Variants in CCSER1 observed in about 807,000 individuals in gnomAD.
The protein encoded by CCSER1 is coiled-coil serine rich protein 1, also known as serine-rich coiled-coil domain-containing protein 1.
CCSER1 carries 41 observed loss-of-function variants against 82.0 expected under a neutral mutation model. That is an observed-to-expected ratio of 0.50 (90% CI 0.39 to 0.65). The LOEUF (loss-of-function observed/expected upper bound fraction) is 0.65. Ranked by LOEUF, CCSER1 falls within the 30% of genes least tolerant of loss-of-function variation. CCSER1 has a pLI of 0.00. For synonymous variants in CCSER1, 414 were observed against 383.9 expected (o/e 1.08, Z -0.92); for missense variants, 1,119 against 1,064.2 (o/e 1.05, Z -0.72).
At chr4:90,709,978 A>G (rs1045441889) in intron 6 of CCSER1, among the ~76,000 whole-genome samples, 16 of 142,510 alleles carry the variant, frequency 1.1e-4, no homozygotes, top group Non-Finnish European at 1.5e-4. Context: ...TTTAATAACC[A>G]TTCTGACTGG....
intron 10 of CCSER1, among the ~76,000 whole-genome samples, chr4:91,381,412 A>ATAGT (rs1428981703): frequency 6.6e-6 from 1 of 152,098 alleles, no homozygotes; most frequent in Non-Finnish European, 1.5e-5. Flanking sequence ...GTCTTTTCAC[A>ATAGT]TAGTCCCATA....
chr4:90,328,685 G>A (rs1738665413), intron 3 of CCSER1, among the ~76,000 whole-genome samples: 1 of 152,152 alleles, frequency 6.6e-6, no homozygotes, highest in Non-Finnish European at 1.5e-5. Flanking sequence ...CAGAGACACA[G>A]ATGTTGCCCA....
chr4:90,622,153 TA>T (rs1414744596), intron 5 of CCSER1, among the ~76,000 whole-genome samples: 21 of 152,172 alleles, frequency 1.4e-4, no homozygotes, highest in Non-Finnish European at 2.8e-4. Context: ...ATTAGTTTTT[TA>T]AAATGCATCT....
intron 5 of CCSER1, among the ~76,000 whole-genome samples, chr4:90,572,634 A>G (rs562496979): frequency 1.3e-5 from 2 of 149,772 alleles, no homozygotes; most frequent in South Asian, 2.1e-4. Context: ...TTTCTACTGC[A>G]TTTTTTTCAT....
chr4:90,948,366 A>C (rs1469472805), intron 9 of CCSER1, among the ~76,000 whole-genome samples: 1 of 151,832 alleles, frequency 6.6e-6, no homozygotes, highest in African/African-American at 2.4e-5. Context: ...ATTCATTTTC[A>C]GGATTTAAAA....
intron 3 of CCSER1, among the ~76,000 whole-genome samples, chr4:90,354,500 AACAC>A (rs988040967): frequency 2.8e-4 from 42 of 152,170 alleles, no homozygotes; most frequent in African/African-American, 9.1e-4. Context: ...CACGCACACA[AACAC>A]ACACACGCAC....
chr4:90,271,007 A>G (rs549889754), intron 1 of CCSER1, among the ~76,000 whole-genome samples: 9 of 152,314 alleles, frequency 5.9e-5, no homozygotes, highest in Admixed American at 4.6e-4. Context: ...AAGAAAATGG[A>G]AAGATATTCC....
intron 4 of CCSER1, among the ~76,000 whole-genome samples, chr4:90,441,178 G>A (rs183382797): frequency 2.6e-5 from 4 of 152,138 alleles, no homozygotes; most frequent in Non-Finnish European, 4.4e-5. Context: ...GCTTCCTCAC[G>A]CAAGAAAATC....
intron 6 of CCSER1, among the ~76,000 whole-genome samples, chr4:90,656,654 A>T: frequency 1.3e-5 from 2 of 151,688 alleles, no homozygotes; most frequent in East Asian, 1.9e-4. Context: ...ATTTAATGTA[A>T]CTACTGATAT....
intron 1 of CCSER1, among the ~76,000 whole-genome samples, chr4:90,271,858 ATATATTT>A (rs1726523205): frequency 4.1e-5 from 1 of 24,396 alleles, no homozygotes; most frequent in Non-Finnish European, 6.0e-5. Context: ...ATATATATAT[ATATATTT>A]TTTTTTTTTT....
intron 3 of CCSER1, among the ~76,000 whole-genome samples, chr4:90,340,027 A>G (rs1457332767): frequency 6.6e-6 from 1 of 152,102 alleles, no homozygotes; most frequent in African/African-American, 2.4e-5. Context: ...AATATTTTCT[A>G]ATTTGTTTTA....
At chr4:90,238,128 ATTGT>A (rs1156648874) in intron 1 of CCSER1, among the ~76,000 whole-genome samples, 1 of 152,198 alleles carries the variant, frequency 6.6e-6, no homozygotes, top group Non-Finnish European at 1.5e-5. Flanking sequence ...GTCAGAATAC[ATTGT>A]TTGTAAAAAA....
At chr4:91,592,865 A>G (rs918917177) in intron 10 of CCSER1, among the ~76,000 whole-genome samples, 1 of 152,126 alleles carries the variant, frequency 6.6e-6, no homozygotes, top group East Asian at 1.9e-4. Flanking sequence ...CAGGAAAAAT[A>G]TATTTTAAAG....
At chr4:90,298,231 T>A (rs1302677994) in intron 1 of CCSER1, among the ~76,000 whole-genome samples, 1 of 152,160 alleles carries the variant, frequency 6.6e-6, no homozygotes, top group African/African-American at 2.4e-5. Context: ...GGAGGGTGTA[T>A]GTGTCGAGGA....
chr4:90,321,947 T>C (rs977997790), intron 3 of CCSER1, among the ~76,000 whole-genome samples: 2 of 152,140 alleles, frequency 1.3e-5, no homozygotes, highest in Admixed American at 6.5e-5. Flanking sequence ...CTTGACTTTG[T>C]TGATAGTTTC....
At chr4:91,397,779 A>T (rs1752079022) in intron 10 of CCSER1, among the ~76,000 whole-genome samples, 1 of 152,046 alleles carries the variant, frequency 6.6e-6, no homozygotes, top group Non-Finnish European at 1.5e-5. Flanking sequence ...AGAATTAGAC[A>T]CTTTCCAGAC....
At chr4:91,402,697 A>T (rs528567321) in intron 10 of CCSER1, among the ~76,000 whole-genome samples, 2 of 152,228 alleles carry the variant, frequency 1.3e-5, no homozygotes, top group African/African-American at 2.4e-5. Context: ...CAAAGATCAG[A>T]TGTTTGTAGA....
chr4:90,626,406 T>G (rs1226329153), intron 5 of CCSER1, among the ~76,000 whole-genome samples: 1 of 152,196 alleles, frequency 6.6e-6, no homozygotes, highest in Non-Finnish European at 1.5e-5. Context: ...CTTATTGGTC[T>G]TAGAGAAAAT....
chr4:90,690,821 T>C (rs1735691227), intron 6 of CCSER1, among the ~76,000 whole-genome samples: 1 of 152,118 alleles, frequency 6.6e-6, no homozygotes, highest in African/African-American at 2.4e-5. Context: ...CCTGACTACC[T>C]GATAAAATTA....
Sources: gnomAD v4.1 joint callset for allele counts (sites outside exome capture counted in the v4.1 genomes callset) on GRCh38, gnomAD v4.1.1 for gene constraint, MANE v1.5 for transcripts, NCBI Gene and HGNC (gene_info 2026-07-23, HGNC 2026-07-21) for gene names.